LARS2: variants seen among roughly 807,000 people sequenced by gnomAD.
The protein encoded by LARS2 is leucine--tRNA ligase, mitochondrial.
LARS2 carries 81 observed loss-of-function variants against 116.6 expected under a neutral mutation model. The observed-to-expected ratio is 0.69, with a 90% CI of 0.58 to 0.84. LARS2 has a LOEUF of 0.84. LARS2 is among the 40% of genes least tolerant of loss of function. The pLI is 0.00. For missense variants in LARS2, 968 were observed against 1,114.5 expected (o/e 0.87, Z 1.87); for synonymous variants, 396 against 407.2 (o/e 0.97, Z 0.33).
At chr3:45,505,724 A>G (rs970120819) in intron 15 of LARS2, among the ~76,000 whole-genome samples, 1 of 152,028 alleles carries the variant, frequency 6.6e-6, no homozygotes, top group Non-Finnish European at 1.5e-5. Context: ...CTTCTTATGT[A>G]GGTCTGGAAA....
chr3:45,445,621 G>T (rs1299190977), intron 6 of LARS2, among the ~76,000 whole-genome samples: 1 of 152,226 alleles, frequency 6.6e-6, no homozygotes, highest in Non-Finnish European at 1.5e-5. Flanking sequence ...TGACTGGCTG[G>T]TGGTTCACTA....
chr3:45,437,158 T>C (rs1698822283), intron 6 of LARS2, among the ~76,000 whole-genome samples: 2 of 152,212 alleles, frequency 1.3e-5, no homozygotes, highest in South Asian at 2.1e-4. Context: ...AATTAGAACA[T>C]GAACATGAAC....
chr3:45,526,659 G>A (rs1057234165), intron 20 of LARS2, among the ~76,000 whole-genome samples: 11 of 152,062 alleles, frequency 7.2e-5, no homozygotes, highest in East Asian at 5.8e-4. Context: ...CGGGCACAGC[G>A]TGTCTCCAAG....
At chr3:45,433,918 A>G (rs957110847) in intron 6 of LARS2, among the ~76,000 whole-genome samples, 4 of 152,004 alleles carry the variant, frequency 2.6e-5, no homozygotes, top group Non-Finnish European at 5.9e-5. Context: ...AAAATGTGCC[A>G]CTTCTTTCAG....
chr3:45,452,930 T>C (rs1699157150), intron 7 of LARS2, among the ~76,000 whole-genome samples: 2 of 152,180 alleles, frequency 1.3e-5, no homozygotes, highest in South Asian at 4.1e-4. Flanking sequence ...CATCCATTTC[T>C]TCTAGGTTTT....
At chr3:45,390,122 A>G (rs964141306) in intron 1 of LARS2, among the ~76,000 whole-genome samples, 1 of 151,848 alleles carries the variant, frequency 6.6e-6, no homozygotes, top group African/African-American at 2.4e-5. Context: ...TTACATTCCC[A>G]CCAGCAGTTG....
chr3:45,543,953 T>TA (rs1700836659), intron 21 of LARS2, among the ~76,000 whole-genome samples: 2 of 152,178 alleles, frequency 1.3e-5, no homozygotes, highest in African/African-American at 4.8e-5. Context: ...TTGGTAAAAA[T>TA]AATTTTAGAT....
intron 20 of LARS2, among the ~76,000 whole-genome samples, chr3:45,525,030 C>T (rs1051873324): frequency 1.3e-5 from 2 of 152,294 alleles, no homozygotes; most frequent in Middle Eastern, 3.4e-3. Context: ...TGTTTATTGC[C>T]TTCTACTTTA....
chr3:45,470,556 G>GC (rs1639594015), intron 8 of LARS2, among the ~76,000 whole-genome samples: 1 of 152,060 alleles, frequency 6.6e-6, no homozygotes, highest in Non-Finnish European at 1.5e-5. Flanking sequence ...CGGATTTAAG[G>GC]CCCCTTTGCA....
At chr3:45,430,244 T>G (rs1263081728) in intron 6 of LARS2, among the ~76,000 whole-genome samples, 1 of 147,284 alleles carries the variant, frequency 6.8e-6, no homozygotes, top group Non-Finnish European at 1.5e-5. Context: ...AGTTCTAGGA[T>G]TACAGGCGTG....
chr3:45,414,909 G>T (rs1049170128), intron 4 of LARS2, among the ~76,000 whole-genome samples: 2 of 152,170 alleles, frequency 1.3e-5, no homozygotes. Flanking sequence ...TGGTTTTGTG[G>T]CTGGATTCAG....
chr3:45,394,469 C>T lies in LARS2; in HGVS notation c.16C>T (p.Gln6Ter), dbSNP rs1698009576. 1.9e-6 allele frequency: 3 copies of T among 1,613,864 alleles called. No homozygotes were observed. Among genetic ancestry groups the T allele is most frequent in the Non-Finnish European group, 2.5e-6 (3 of 1,179,802 alleles). ...CTTCTGAAGAATGGCTTCTGTTTGG[C>T]AGAGATTGGGTTTTTATGCCTCTCT... MASVW[Q>*]RLGFYASLLK... Residue 6 changes from glutamine to a stop codon, truncating the protein, a stop_gained, in exon 3 of 22, where the codon CAG becomes TAG. Transcript: ENST00000645846. LOFTEE classifies it high-confidence loss of function.
chr3:45,541,700 G>C (rs1431165640), intron 20 of LARS2, 129 bp from the exon 21 acceptor site: 2 of 1,180,838 alleles, frequency 1.7e-6, no homozygotes, highest in East Asian at 2.5e-5. Flanking sequence ...CAGCAGCCAT[G>C]GTCTGGCTTC....
chr3:45,496,094 C>T (rs539483624), intron 13 of LARS2, among the ~76,000 whole-genome samples, 181 bp from the exon 14 acceptor site: 37 of 152,232 alleles, frequency 2.4e-4, no homozygotes, highest in Middle Eastern at 3.4e-3. Context: ...CTTTTGACCT[C>T]GTGATCCACC....
chr3:45,425,235 T>A lies in LARS2; in HGVS notation c.516+5506T>A, dbSNP rs148886317. On this transcript the variant is annotated intron_variant, in intron 6 of 21. Transcript: ENST00000645846. ...TGTTTTTTACAACTTTCGGATGCTG[T>A]GTTCTTGTCTGTTTTGGAATCTTTT... Among the ~76,000 whole-genome samples, 5 of 152,330 alleles carry A rather than the reference T, an allele frequency of 3.3e-5. No homozygotes were observed. The East Asian group carries it at 9.6e-4, about 29-fold the overall frequency.
At chr3:45,501,618 T>C (rs926087977) in intron 15 of LARS2, among the ~76,000 whole-genome samples, 2 of 152,230 alleles carry the variant, frequency 1.3e-5, no homozygotes, top group African/African-American at 4.8e-5. Flanking sequence ...TGTGCAATTA[T>C]GAACAAAACT....
At chr3:45,501,503 C>T (rs1700120681) in intron 15 of LARS2, among the ~76,000 whole-genome samples, 1 of 152,132 alleles carries the variant, frequency 6.6e-6, no homozygotes, top group African/African-American at 2.4e-5. Flanking sequence ...AGTTATATTT[C>T]ATTCCTGTTT....
chr3:45,478,768 A>G (rs763434546), intron 10 of LARS2, among the ~76,000 whole-genome samples: 7 of 152,320 alleles, frequency 4.6e-5, no homozygotes, highest in African/African-American at 1.2e-4. Context: ...AGATGTCAAT[A>G]TATTCAAAAT....
chr3:45,484,169 A>T (rs1435762580), intron 10 of LARS2: 3 of 152,076 alleles, frequency 2.0e-5, no homozygotes, highest in African/African-American at 2.4e-5. Context: ...AAAATAATTT[A>T]AAAAATAAAT....
Sources: gnomAD v4.1 joint callset for allele counts (sites outside exome capture counted in the v4.1 genomes callset) on GRCh38, gnomAD v4.1.1 for gene constraint, MANE v1.5 for transcripts, NCBI Gene and HGNC (gene_info 2026-07-23, HGNC 2026-07-21) for gene names.